The following HOXA2 variants were observed in gnomAD, a reference collection of about 807,000 sequenced individuals.
The protein encoded by HOXA2 is homeobox protein Hox-A2.
Under a neutral mutation model 27.2 loss-of-function variants are expected in HOXA2, and 4 were observed. The observed-to-expected ratio is 0.15, with a 90% CI of 0.07 to 0.34. The LOEUF is 0.34. HOXA2 is among the 10% of genes least tolerant of loss of function. The pLI, the probability that HOXA2 is intolerant of heterozygous loss-of-function variation, is 1.00. For synonymous variants in HOXA2, 200 were observed against 202.8 expected (o/e 0.99, Z 0.12); for missense variants, 430 against 473.2 (o/e 0.91, Z 0.85).
In HOXA2 at chr7:27,102,232, A is replaced by AGGGCGCCGGC; in HGVS notation, c.259_268dup (p.Leu90ArgfsTer98). ...CATCCAGGGGTACTCGGGCGGCTGC[A>AGGGCGCCGGC]GGGCGCCGGCGGGCACCGGGCTGCC... On this transcript the variant is annotated frameshift_variant, in exon 1 of 2. Coordinates refer to ENST00000222718, the MANE Select transcript of HOXA2 (RefSeq NM_006735.4). This position sits in a 1 kb window ranked among gnomAD's most constrained non-coding sequence, Gnocchi z 4.6. The AGGGCGCCGGC allele has an allele frequency of 6.7e-7, 1 of 1,496,540 alleles. No individual in the cohort carries two copies. Among genetic ancestry groups the AGGGCGCCGGC allele is most frequent in the Non-Finnish European group, 8.9e-7 (1 of 1,123,748 alleles). 92.7% of individuals were successfully genotyped at this position (1,496,540 alleles called of 1,614,324 possible).
chr7:27,101,790 T>C (rs1327237063), intron 1 of HOXA2: 1 of 687,336 alleles, frequency 1.5e-6, no homozygotes, highest in South Asian at 1.5e-5. Flanking sequence ...TCTTCATTAC[T>C]GTCAAAAAGC....
chr7:27,101,443 G>T lies in HOXA2; in HGVS notation c.414C>A (p.Gly138=). Residue 138 remains glycine, a synonymous_variant, in exon 2 of 2, where the codon GGC becomes GGA. Coordinates refer to ENST00000222718, the MANE Select transcript of HOXA2 (RefSeq NM_006735.4). ...SHKESLEIAD[G]SGGGSRRLRT... The stretch of plus-strand genomic sequence containing the variant: ...TCAGGCGCCGCGATCCCCCGCCGCT[G>T]CCATCGGCGATTTCCAGGGATTCTG... 2 of 1,600,534 alleles carry T rather than the reference G, an allele frequency of 1.2e-6. No individual in the cohort carries two copies. The highest frequency in any genetic ancestry group is 1.1e-5 in the South Asian group (1 of 91,090).
In HOXA2 at chr7:27,101,223, C is replaced by T. The variant is rs1051989126; in HGVS notation, c.634G>A (p.Gly212Arg). The T allele has an allele frequency of 6.2e-7, 1 of 1,614,098 alleles. No individual in the cohort carries two copies. Among genetic ancestry groups the T allele is most frequent in the African/African-American group, 1.3e-5 (1 of 74,932 alleles). ...GAGTCCTCAAGGCTTTTACATTTCC[C>T]TTCGCTGTTTTGGTTTTCCTTGCAC... is the stretch of plus-strand genomic sequence containing the variant. Reference protein sequence around the residue: ...TQCKENQNSEGKCKSLEDSEK... With the variant: ...TQCKENQNSERKCKSLEDSEK... The change falls in exon 2 of 2, where the codon GGG (glycine) becomes AGG (arginine). Residue 212 changes from glycine (G) to arginine (R), a missense_variant. By Grantham distance (125) the Gly-to-Arg change is moderately radical (BLOSUM62 -2). Around this residue, in one of 4 missense-constraint regions of HOXA2, gnomAD observed 236 missense variants for 208.5 expected, o/e 1.13. Coordinates refer to ENST00000222718, the MANE Select transcript of HOXA2 (RefSeq NM_006735.4).
rs146316132 is a variant in HOXA2 at position 27,101,202 on chromosome 7, C to A, written c.655G>T (p.Asp219Tyr). Residue 219 changes from aspartate (D) to tyrosine (Y), a missense_variant, in exon 2 of 2, where the codon GAC (aspartate) becomes TAC (tyrosine). Physicochemically the swap from Asp to Tyr is radical, Grantham distance 160 (BLOSUM62 -3). Around this residue, in one of 4 missense-constraint regions of HOXA2, gnomAD observed 236 missense variants for 208.5 expected, o/e 1.13. Transcript: ENST00000222718. ...NSEGKCKSLE[D>Y]SEKVEEDEEE... ...TCGTCCTCCTCTACTTTCTCGGAGT[C>A]CTCAAGGCTTTTACATTTCCCTTCG... The A allele has an allele frequency of 1.1e-5, 17 of 1,614,158 alleles. No individual in the cohort carries two copies. The Admixed American group carries it at 1.2e-4, about 11-fold the overall frequency.
Position 27,101,110 on chromosome 7 carries a change from G to A in HOXA2, c.747C>T (p.Tyr249=). Residue 249 remains tyrosine (Y), a synonymous_variant, in exon 2 of 2, where the codon TAC becomes TAT. Coordinates refer to ENST00000222718, the MANE Select transcript of HOXA2 (RefSeq NM_006735.4). ...GAGAGAGGGCATTTTGCTGAAAAGT[G>A]TAGCCTTCCCTCTCCAGAAGGGCCC... is the stretch of plus-strand genomic sequence containing the variant. ...VSGALLEREG[Y]TFQQNALSQQ... is the part of the protein sequence containing the mutation. 6.2e-7 allele frequency: 1 copy of A among 1,614,210 alleles called. No homozygotes were observed.
Position 27,100,638 on chromosome 7 carries a change from TA to T in HOXA2, c.*87del. ...GGGAAGGGGTAGGTCAAGAAGAAAA[TA>T]AAAAATAAACTCCCAAATAAAAGAA... On this transcript the variant is annotated 3_prime_UTR_variant, in exon 2 of 2. Transcript: ENST00000222718. 1 of 1,457,616 alleles carries T rather than the reference TA, an allele frequency of 6.9e-7. No individual in the cohort carries two copies. The highest frequency in any genetic ancestry group is 9.6e-7 in the Non-Finnish European group (1 of 1,044,818). The allele number at this position is 1,457,616 out of a possible 1,614,324, so 90.3% of individuals were successfully genotyped here.
In HOXA2 at chr7:27,101,432, C is replaced by G; in HGVS notation, c.425G>C (p.Gly142Ala). 6.2e-7 allele frequency: 1 copy of G among 1,600,838 alleles called. No homozygotes were observed. Among genetic ancestry groups the G allele is most frequent in the Non-Finnish European group, 8.5e-7 (1 of 1,179,952 alleles). Reference sequence around the variant, plus strand: ...GTAAGCAGTTCTCAGGCGCCGCGATCCCCCGCCGCTGCCATCGGCGATTTC... The same window carrying G: ...GTAAGCAGTTCTCAGGCGCCGCGATGCCCCGCCGCTGCCATCGGCGATTTC... ...SLEIADGSGG[G>A]SRRLRTAYTN... The change falls in exon 2 of 2, where the codon GGA (glycine) becomes GCA (alanine). Residue 142 changes from glycine (G) to alanine (A), a missense_variant. By Grantham distance (60) the Gly-to-Ala change is moderately conservative. This residue lies in a region of HOXA2 where 166 missense variants were observed against 207.6 expected (regional missense o/e 0.80). Coordinates refer to ENST00000222718, the MANE Select transcript of HOXA2 (RefSeq NM_006735.4).
chr7:27,101,831 T>A, intron 1 of HOXA2: 1 of 697,508 alleles, frequency 1.4e-6, no homozygotes. Context: ...CAGGAGGAGG[T>A]CAGTTCCAAC....
chr7:27,101,336 A>T lies in HOXA2; in HGVS notation c.521T>A (p.Val174Glu), dbSNP rs776638973. The T allele has an allele frequency of 1.2e-6, 2 of 1,612,754 alleles. No homozygotes were observed. Among genetic ancestry groups the T allele is most frequent in the Admixed American group, 1.7e-5 (1 of 59,936 alleles). ...CAAATCCAGCAGCGCTGCAATCTCC[A>T]CCCTTCGGGGTCTGCAAAGGTACTT... ...FNKYLCRPRRVEIAALLDLTE... is the reference protein window; with the variant it reads ...FNKYLCRPRREEIAALLDLTE... Residue 174 changes from valine (V) to glutamate (E), a missense_variant, in exon 2 of 2, where the codon GTG (valine) becomes GAG (glutamate). Transcript: ENST00000222718.
In HOXA2 at chr7:27,101,162, A is replaced by C. The variant is rs777386300; in HGVS notation, c.695T>G (p.Leu232Arg). The stretch of plus-strand genomic sequence containing the variant: ...AGAGACGCTAAGGGCTTGCTCAAAG[A>C]GCGTCTTCTCTTCCTCGTCCTCCTC... ...KVEEDEEEKTLFEQALSVSGA... is the reference protein window; with the variant it reads ...KVEEDEEEKTRFEQALSVSGA... Residue 232 changes from leucine (L) to arginine (R), a missense_variant, in exon 2 of 2, where the codon CTC (leucine) becomes CGC (arginine). Transcript: ENST00000222718. The C allele has an allele frequency of 1.2e-6, 2 of 1,613,968 alleles. No homozygotes were observed. Among genetic ancestry groups the C allele is most frequent in the Non-Finnish European group, 1.7e-6 (2 of 1,179,968 alleles).
At position 27,102,474 on chromosome 7, in the gene HOXA2, A is replaced by G. The variant is rs758466976; in HGVS notation, c.27T>C (p.Ile9=). 5 of 1,613,894 alleles carry G rather than the reference A, an allele frequency of 3.1e-6. No homozygotes were observed. The African/African-American group carries it at 6.7e-5, about 22-fold the overall frequency. The change falls in exon 1 of 2, where the codon ATT becomes ATC. Residue 9 remains isoleucine (I), a synonymous_variant. Transcript: ENST00000222718. This position sits in a 1 kb window ranked among gnomAD's most constrained non-coding sequence, Gnocchi z 4.6. ...GCGACGGCTGGCTATTGATAAAACC[A>G]ATCTCTCGCTCAAATTCGTAATTCA... is the stretch of plus-strand genomic sequence containing the variant. The part of the protein sequence containing the change: MNYEFERE[I]GFINSQPSLA...
intron 1 of HOXA2, 136 bp from the exon 2 acceptor site, chr7:27,101,601 G>T: frequency 2.0e-6 from 2 of 996,898 alleles, no homozygotes; most frequent in Non-Finnish European, 3.1e-6. Context: ...ATGCAGTAGA[G>T]CTATTGTGCT....
In HOXA2 at chr7:27,102,483, C is replaced by T. The variant is rs751760083; in HGVS notation, c.18G>A (p.Glu6=). Residue 6 remains glutamate, a synonymous_variant, in exon 1 of 2, where the codon GAG becomes GAA. Coordinates refer to ENST00000222718, the MANE Select transcript of HOXA2 (RefSeq NM_006735.4). The surrounding 1 kb of genome is among the most constrained non-coding windows in gnomAD (Gnocchi z 4.6). ...GGCTATTGATAAAACCAATCTCTCG[C>T]TCAAATTCGTAATTCATGGCCTTCT... MNYEF[E]REIGFINSQP... 6.2e-7 allele frequency: 1 copy of T among 1,613,944 alleles called. No homozygotes were observed. The highest frequency in any genetic ancestry group is 8.5e-7 in the Non-Finnish European group (1 of 1,179,992).
chr7:27,101,613 C>T (rs1021641377), intron 1 of HOXA2, 148 bp from the exon 2 acceptor site: 2 of 947,102 alleles, frequency 2.1e-6, no homozygotes, highest in Non-Finnish European at 3.3e-6. Context: ...TATTGTGCTG[C>T]CTTTCCTGGG....
At chr7:27,101,816 C>G in intron 1 of HOXA2, 1 of 693,466 alleles carries the variant, frequency 1.4e-6, no homozygotes. Flanking sequence ...TCTAGGACAA[C>G]TAGACAGGAG....
intron 1 of HOXA2, 117 bp from the exon 2 acceptor site, chr7:27,101,582 C>T (rs1783926834): frequency 8.2e-7 from 1 of 1,212,850 alleles, no homozygotes; most frequent in African/African-American, 1.5e-5. Flanking sequence ...ACAAAATGGC[C>T]GCCCCTGGAT....
intron 1 of HOXA2, chr7:27,101,735 T>G (rs1194239612): frequency 1.2e-5 from 8 of 660,468 alleles, no homozygotes; most frequent in Non-Finnish European, 1.9e-5. Flanking sequence ...ACACAATTTA[T>G]AATTAATGCG....
At chr7:27,101,507 A>C (rs767409984) in intron 1 of HOXA2, 42 bp from the exon 2 acceptor site, 10 of 1,597,116 alleles carry the variant, frequency 6.3e-6, no homozygotes, top group Non-Finnish European at 7.6e-6. Flanking sequence ...GCACAGTTGG[A>C]GGTGGAGGGG....
rs771912588 is a variant in HOXA2, at chr7:27,102,552, C to T, written c.-52G>A. ...GAAAAAGTTCCCTCTTTTGGAGGGG[C>T]TTTGGGGGGGCAAGGCCTAGGAAAA... On this transcript the variant is annotated 5_prime_UTR_variant, in exon 1 of 2. Coordinates refer to ENST00000222718, the MANE Select transcript of HOXA2 (RefSeq NM_006735.4). The surrounding 1 kb of genome is among the most constrained non-coding windows in gnomAD (Gnocchi z 4.6). 6 of 1,578,810 alleles carry T rather than the reference C, an allele frequency of 3.8e-6. No homozygotes were observed. Among genetic ancestry groups the T allele is most frequent in the Admixed American group, 1.7e-5 (1 of 59,928 alleles).
Sources: gnomAD v4.1 joint callset for allele counts on GRCh38, gnomAD v4.1.1 for gene constraint, gnomAD v4.1.1 regional missense constraint, Gnocchi (gnomAD v3.1) non-coding constraint, MANE v1.5 for transcripts, NCBI Gene and HGNC (gene_info 2026-07-23, HGNC 2026-07-21) for gene names.